TICRR: variants seen among roughly 807,000 people sequenced by gnomAD.
The protein encoded by TICRR is TOPBP1 interacting checkpoint and replication regulator.
TICRR carries 132 observed loss-of-function variants against 178.1 expected under a neutral mutation model. The observed-to-expected ratio is 0.74, with a 90% CI of 0.64 to 0.86. The LOEUF (loss-of-function observed/expected upper bound fraction) is 0.86, where lower values mean the gene tolerates loss of function less well. Among genes scored for constraint, TICRR ranks in the 40% least tolerant of loss-of-function variants. TICRR has a pLI of 0.00. For synonymous variants in TICRR, 991 were observed against 900.7 expected (o/e 1.10, Z -1.79); for missense variants, 2,587 against 2,334.3 (o/e 1.11, Z -2.23).
At position 89,595,606 on chromosome 15, in the gene TICRR, C is replaced by T; in HGVS notation, c.1895C>T (p.Pro632Leu). The change falls in exon 7 of 22, where the codon CCT becomes CTT. Residue 632 changes from proline (P) to leucine (L), a missense_variant. Physicochemically the swap from Pro to Leu is moderately conservative, Grantham distance 98 (BLOSUM62 -3). Transcript: ENST00000268138. ...DRGRTLRSSK[P>L]KDFKTEEELL... ...GGAAGAACACTAAGAAGTTCTAAAC[C>T]TAAAGGTATTCCTCTTAGTCTATAA... 6.2e-7 allele frequency: 1 copy of T among 1,612,018 alleles called. No individual in the cohort carries two copies.
At chr15:89,578,967 T>G (rs1962674434) in intron 1 of TICRR, among the ~76,000 whole-genome samples, 1 of 152,144 alleles carries the variant, frequency 6.6e-6, no homozygotes, top group Admixed American at 6.5e-5. Context: ...AAAATCCAGG[T>G]CCTGCCTTGG....
rs562595730 is a variant in TICRR, at chr15:89,582,618, T to C, written c.655-68T>C. 4.9e-6 allele frequency: 7 copies of C among 1,438,480 alleles called. No individual in the cohort carries two copies. The African/African-American group carries it at 7.1e-5, about 15-fold the overall frequency. The allele number at this position is 1,438,480 out of a possible 1,614,324, so 89.1% of individuals were successfully genotyped here. A position where few individuals can be genotyped will look rare whatever the true frequency, so the allele number is the denominator to read the frequency against. On this transcript the variant is annotated intron_variant, in intron 1 of 21. Coordinates refer to ENST00000268138, the MANE Select transcript of TICRR (RefSeq NM_152259.4). The stretch of plus-strand genomic sequence containing the variant: ...TGGTATCAACTTTACTTTCTCCTGA[T>C]TTCCTTTACTTTTATTTGTGAATGC...
intron 17 of TICRR, among the ~76,000 whole-genome samples, chr15:89,618,988 T>C (rs1963379579): frequency 6.6e-6 from 1 of 152,140 alleles, no homozygotes. Context: ...GTATACATGA[T>C]GAAGGAGGGG....
intron 1 of TICRR, among the ~76,000 whole-genome samples, chr15:89,579,360 G>C (rs1035907175): frequency 3.3e-5 from 5 of 151,856 alleles, no homozygotes; most frequent in Admixed American, 6.6e-5. Flanking sequence ...TTTTTGTTTT[G>C]TTTGAGACAG....
rs1241591687 is a variant in TICRR, at chr15:89,585,772, C to T, written c.1241C>T (p.Ala414Val). The T allele has an allele frequency of 1.2e-6, 2 of 1,614,144 alleles. No individual in the cohort carries two copies. Among genetic ancestry groups the T allele is most frequent in the East Asian group, 2.2e-5 (1 of 44,884 alleles). Residue 414 changes from alanine (A) to valine (V), a missense_variant, in exon 4 of 22, where the codon GCC (alanine) becomes GTC (valine). By Grantham distance (64) the Ala-to-Val change is moderately conservative. Transcript: ENST00000268138. ...ACTGGAGTTATTTCCCCACTCTCTGCCAGTGCTATGATCCTCACTGTGTGC... is the reference window on the plus strand; with the variant it reads ...ACTGGAGTTATTTCCCCACTCTCTGTCAGTGCTATGATCCTCACTGTGTGC... ...PITGVISPLS[A>V]SAMILTVCRT...
At chr15:89,606,683 G>A in intron 13 of TICRR, 85 bp from the exon 14 acceptor site, 2 of 1,081,902 alleles carry the variant, frequency 1.8e-6, no homozygotes, top group Non-Finnish European at 2.8e-6. Context: ...AATTACAAGA[G>A]TCAAAGAGTT....
chr15:89,599,323 G>T lies in TICRR; in HGVS notation c.1901-1G>T. 1 of 1,594,034 alleles carries T rather than the reference G, an allele frequency of 6.3e-7. No individual in the cohort carries two copies. The highest frequency in any genetic ancestry group is 8.5e-7 in the Non-Finnish European group (1 of 1,173,256). On this transcript the variant is annotated splice_acceptor_variant, in intron 7 of 21. Transcript: ENST00000268138. LOFTEE classifies it high-confidence loss of function. ...TCCATTTTATTTTATTTTTTTCTCA[G>T]ATTTTAAAACTGAGGAAGAGCTGCT...
At position 89,575,532 on chromosome 15, in the gene TICRR, T is replaced by A; in HGVS notation, c.-55T>A. ...GTGCTGTTTCCCTGAAGGAAGGGACTAAGGGACGGTGGCGCGGGCCCGGAC... is the reference window on the plus strand; with the variant it reads ...GTGCTGTTTCCCTGAAGGAAGGGACAAAGGGACGGTGGCGCGGGCCCGGAC... On this transcript the variant is annotated 5_prime_UTR_variant, in exon 1 of 22. Coordinates refer to ENST00000268138, the MANE Select transcript of TICRR (RefSeq NM_152259.4). 1 of 1,432,296 alleles carries A rather than the reference T, an allele frequency of 7.0e-7. No individual in the cohort carries two copies. The allele number at this position is 1,432,296 out of a possible 1,614,324, so 88.7% of individuals were successfully genotyped here.
At chr15:89,591,675 A>T (rs1351178759) in intron 4 of TICRR, 3 of 153,528 alleles carry the variant, frequency 2.0e-5, no homozygotes, top group Admixed American at 6.5e-5. Context: ...GTTGCGGCTC[A>T]TGAGCCAAGA....
At chr15:89,590,526 C>T (rs1053104519) in intron 4 of TICRR, among the ~76,000 whole-genome samples, 1 of 152,226 alleles carries the variant, frequency 6.6e-6, no homozygotes, top group African/African-American at 2.4e-5. Flanking sequence ...TCTGCTGTAG[C>T]ATGGCCCACA....
At position 89,606,811 on chromosome 15, in the gene TICRR, A is replaced by G. The variant is rs1192600078; in HGVS notation, c.2708A>G (p.Lys903Arg). 1 of 1,613,844 alleles carries G rather than the reference A, an allele frequency of 6.2e-7. No homozygotes were observed. Among genetic ancestry groups the G allele is most frequent in the Non-Finnish European group, 8.5e-7 (1 of 1,179,802 alleles). Residue 903 changes from lysine to arginine, a missense_variant, in exon 14 of 22, where the codon AAA becomes AGA. By Grantham distance (26) the Lys-to-Arg change is conservative (BLOSUM62 2). Transcript: ENST00000268138. ...PAPQQPSQPV[K>R]DTVQEVTKVR... ...CCTCAGCAGCCTTCCCAGCCAGTGA[A>G]AGATACAGTGCAAGGTATACTGTTT...
At chr15:89,596,638 C>T (rs775103366) in intron 7 of TICRR, among the ~76,000 whole-genome samples, 2 of 152,240 alleles carry the variant, frequency 1.3e-5, no homozygotes, top group African/African-American at 4.8e-5. Context: ...TGAGCCACCG[C>T]GCCTGGCCTT....
rs1441217961 is a variant in TICRR at position 89,627,101 on chromosome 15, G to A, written c.*15G>A. ...AGGACTTATAGCCACAAACATTACT[G>A]AGCCCAAAAGATCAAGGAGTCAGCC... On this transcript the variant is annotated 3_prime_UTR_variant, in exon 22 of 22. Transcript: ENST00000268138. 4 of 1,613,634 alleles carry A rather than the reference G, an allele frequency of 2.5e-6. No individual in the cohort carries two copies. The highest frequency in any genetic ancestry group is 1.7e-4 in the Middle Eastern group (1 of 5,768).
rs1032890515 is a variant in TICRR, at chr15:89,624,558, C to A, written c.4248C>A (p.Ala1416=). 8 of 1,613,628 alleles carry A rather than the reference C, an allele frequency of 5.0e-6. No homozygotes were observed. Among genetic ancestry groups the A allele is most frequent in the Non-Finnish European group, 6.8e-6 (8 of 1,179,838 alleles). The change falls in exon 20 of 22, where the codon GCC becomes GCA. Residue 1416 remains alanine (A), a synonymous_variant. Transcript: ENST00000268138. The part of the protein sequence containing the change: ...PGVGTADSPA[A]PTDSRDDQKG... ...TTGGCACAGCTGACAGCCCAGCTGC[C>A]CCCACAGACTCTAGAGATGACCAGA...
Position 89,582,751 on chromosome 15 carries a change from C to A in TICRR, c.720C>A (p.Gly240=). ...TVCELLHHGG[G]TVLPSESFSW... is the part of the protein sequence containing the mutation. ...GTGAACTGCTCCACCACGGAGGTGG[C>A]ACTGTCTTGCCATCTGAATCTTTCA... The change falls in exon 2 of 22, where the codon GGC becomes GGA. Residue 240 remains glycine, a synonymous_variant. Coordinates refer to ENST00000268138, the MANE Select transcript of TICRR (RefSeq NM_152259.4). The A allele has an allele frequency of 6.2e-7, 1 of 1,614,164 alleles. No individual in the cohort carries two copies. The highest frequency in any genetic ancestry group is 8.5e-7 in the Non-Finnish European group (1 of 1,180,012).
rs902169157 is a variant in TICRR at position 89,626,940 on chromosome 15, T to C, written c.5603-16T>C. ...TCTGTGACTCCTGCATGCTAAGCCT[T>C]TCTACCTTCTTCTAGATGAGGATGT... On this transcript the variant is annotated splice_polypyrimidine_tract_variant and intron_variant, in intron 21 of 21. Coordinates refer to ENST00000268138, the MANE Select transcript of TICRR (RefSeq NM_152259.4). The C allele has an allele frequency of 1.2e-6, 2 of 1,612,902 alleles. No homozygotes were observed. The highest frequency in any genetic ancestry group is 1.7e-6 in the Non-Finnish European group (2 of 1,179,120).
chr15:89,596,567 G>A (rs1185241412), intron 7 of TICRR, among the ~76,000 whole-genome samples: 2 of 152,068 alleles, frequency 1.3e-5, no homozygotes, highest in East Asian at 1.9e-4. Context: ...GGCTGGTTTC[G>A]AACTCCTAAC....
chr15:89,599,284 C>T (rs749180146), intron 7 of TICRR, 40 bp from the exon 8 acceptor site: 2 of 1,523,108 alleles, frequency 1.3e-6, no homozygotes, highest in East Asian at 4.6e-5. Context: ...AGGACTTGAG[C>T]AAGATATGAT....
In TICRR at chr15:89,624,873, T is replaced by C; in HGVS notation, c.4563T>C (p.Pro1521=). 1 of 1,613,968 alleles carries C rather than the reference T, an allele frequency of 6.2e-7. No homozygotes were observed. Residue 1521 remains proline, a synonymous_variant, in exon 20 of 22, where the codon CCT becomes CCC. Transcript: ENST00000268138. ...PSCGPGSPLM[P]SRDVHCTTDG... is the part of the protein sequence containing the mutation. ...GTGGGCCTGGCTCTCCTCTGATGCC[T>C]TCCCGTGACGTGCACTGTACCACAG...
Sources: allele counts gnomAD v4.1 joint callset (sites outside exome capture counted in the v4.1 genomes callset), GRCh38; gene constraint gnomAD v4.1.1; transcripts MANE v1.5; gene names NCBI Gene and HGNC (gene_info 2026-07-23, HGNC 2026-07-21).